Variants in WAC observed in about 807,000 individuals in gnomAD.
WAC encodes the protein WW domain containing adaptor with coiled-coil.
In WAC, 11 loss-of-function variants were observed where a neutral mutation model predicts 79.6. The ratio of observed to expected loss-of-function variants is 0.14; its 90% confidence interval spans 0.09 to 0.23. The LOEUF is 0.23. WAC is among the 10% of genes least tolerant of loss of function. The probability of loss-of-function intolerance (pLI) is 1.00; values close to 1 mark genes in which losing one functional copy is unlikely to be tolerated. For missense variants in WAC, 728 were observed against 773.5 expected (o/e 0.94, Z 0.70); for synonymous variants, 304 against 276.9 (o/e 1.10, Z -0.97).
intron 3 of WAC, among the ~76,000 whole-genome samples, chr10:28,547,585 C>G (rs1207340363): frequency 6.6e-6 from 1 of 151,144 alleles, no homozygotes; most frequent in African/African-American, 2.4e-5. Context: ...TAATCTAAGA[C>G]TTTGCACATT....
chr10:28,550,138 C>T (rs1033503977), intron 3 of WAC, among the ~76,000 whole-genome samples: 1 of 148,108 alleles, frequency 6.8e-6, no homozygotes, highest in South Asian at 2.1e-4. Context: ...CACTGCACTC[C>T]AGTGGGTGAT....
chr10:28,601,669 A>G (rs1840656337), intron 7 of WAC, among the ~76,000 whole-genome samples: 1 of 152,224 alleles, frequency 6.6e-6, no homozygotes, highest in Non-Finnish European at 1.5e-5. Flanking sequence ...TCATTAGCAG[A>G]TGAAAGGATA....
chr10:28,551,268 T>G (rs937702366), intron 3 of WAC, among the ~76,000 whole-genome samples: 3 of 152,184 alleles, frequency 2.0e-5, no homozygotes, highest in Non-Finnish European at 4.4e-5. Context: ...AACTGGTGAT[T>G]CATTATGTTG....
chr10:28,616,262 C>T lies in WAC; in HGVS notation c.1646C>T (p.Ala549Val), dbSNP rs763074683. The change falls in exon 12 of 14, where the codon GCC (alanine) becomes GTC (valine). Residue 549 changes from alanine to valine, a missense_variant. Ala to Val is a moderately conservative substitution (Grantham distance 64, BLOSUM62 0). Transcript: ENST00000354911. ...ACAGTTGTACCACAGAATTCTTCTGCCCGATCCACGTGTTCATTAACGCCT... is the reference window on the plus strand; with the variant it reads ...ACAGTTGTACCACAGAATTCTTCTGTCCGATCCACGTGTTCATTAACGCCT... ...NATVVPQNSS[A>V]RSTCSLTPAL... 1.2e-6 allele frequency: 2 copies of T among 1,613,972 alleles called. No homozygotes were observed. The highest frequency in any genetic ancestry group is 1.7e-5 in the Admixed American group (1 of 59,982).
chr10:28,552,056 A>G (rs1354299944), intron 3 of WAC, among the ~76,000 whole-genome samples: 1 of 151,754 alleles, frequency 6.6e-6, no homozygotes, highest in African/African-American at 2.4e-5. Flanking sequence ...CAGGTGATCC[A>G]CTTGCCTTGG....
intron 3 of WAC, among the ~76,000 whole-genome samples, chr10:28,554,114 C>T (rs185819647): frequency 1.4e-4 from 22 of 152,242 alleles, no homozygotes; most frequent in Non-Finnish European, 2.5e-4. Context: ...GTGATCTGCC[C>T]GCCTCTTCCT....
intron 7 of WAC, among the ~76,000 whole-genome samples, chr10:28,598,545 C>G (rs1216680234): frequency 6.6e-6 from 1 of 152,172 alleles, no homozygotes; most frequent in South Asian, 2.1e-4. Context: ...TCCCTCCATG[C>G]AGTTTGATGC....
chr10:28,533,710 A>G, intron 1 of WAC, 90 bp downstream of exon 1: 4 of 1,291,230 alleles, frequency 3.1e-6, no homozygotes, highest in Non-Finnish European at 4.2e-6. Flanking sequence ...CCGGGCCGCC[A>G]TTTTTGTTGT....
chr10:28,593,636 T>TGC (rs1487465815), intron 6 of WAC, among the ~76,000 whole-genome samples: 1 of 151,128 alleles, frequency 6.6e-6, no homozygotes, highest in African/African-American at 2.4e-5. Flanking sequence ...GGCGTGGTGG[T>TGC]GCGCGCCTGT....
At position 28,571,020 on chromosome 10, in the gene WAC, G is replaced by A. The variant is rs552675349; in HGVS notation, c.275-12379G>A. Among the ~76,000 whole-genome samples, 21 of 119,940 alleles carry A rather than the reference G, an allele frequency of 1.8e-4. 1 individual carries two copies. The Middle Eastern group carries it at 0.031, about 176-fold the overall frequency. The allele number at this position is 119,940 out of a possible 152,430, so 78.7% of individuals were successfully genotyped here. On this transcript the variant is annotated intron_variant, in intron 3 of 13. Coordinates refer to ENST00000354911, the MANE Select transcript of WAC (RefSeq NM_016628.5). Reference sequence around the variant, plus strand: ...CACCCAGGCTGGAGTTCAGTGGCGCGATCTTGGCTCACTGCAACCTCGGCC... The same window carrying A: ...CACCCAGGCTGGAGTTCAGTGGCGCAATCTTGGCTCACTGCAACCTCGGCC...
chr10:28,547,915 C>CTTTTTTTTT (rs11408560), intron 3 of WAC, among the ~76,000 whole-genome samples: 218 of 132,194 alleles, frequency 1.6e-3, no homozygotes, highest in Non-Finnish European at 1.9e-3. Flanking sequence ...TTCTCTTTTT[C>CTTTTTTTTT]TTTTTTTTTT....
At chr10:28,618,524 AGTAGT>A (rs1841571942) in intron 13 of WAC, among the ~76,000 whole-genome samples, 1 of 152,258 alleles carries the variant, frequency 6.6e-6, no homozygotes, top group Admixed American at 6.5e-5. Context: ...TTGCTCTGAA[AGTAGT>A]TCTAACAAAC....
intron 3 of WAC, among the ~76,000 whole-genome samples, chr10:28,573,456 C>T (rs975478438): frequency 4.6e-5 from 7 of 152,158 alleles, no homozygotes; most frequent in Non-Finnish European, 7.4e-5. Flanking sequence ...TATTGTTTTA[C>T]ATATCAGTAC....
At position 28,552,723 on chromosome 10, in the gene WAC, G is replaced by A. The variant is rs573966154; in HGVS notation, c.274+16966G>A. 8.6e-5 allele frequency among the ~76,000 whole-genome samples: 13 copies of A among 151,786 alleles called. 1 individual carries two copies. In the South Asian group the frequency reaches 2.5e-3, roughly 29 times the overall value. On this transcript the variant is annotated intron_variant, in intron 3 of 13. Transcript: ENST00000354911. Reference sequence around the variant, plus strand: ...GGATTGTATGCTGGTAGAGAGTATTGTTAACTCGATAACAAGAATTAAAAT... The same window carrying A: ...GGATTGTATGCTGGTAGAGAGTATTATTAACTCGATAACAAGAATTAAAAT...
At chr10:28,578,468 C>T (rs6481534) in intron 3 of WAC, among the ~76,000 whole-genome samples, 33,915 of 151,992 alleles carry the variant, frequency 0.22, 4,666 homozygotes, top group Non-Finnish European at 0.28. Flanking sequence ...ACATAAATGC[C>T]ATAATATTTT....
chr10:28,549,791 GAACT>G (rs569504080), intron 3 of WAC, among the ~76,000 whole-genome samples: 2 of 152,256 alleles, frequency 1.3e-5, no homozygotes, highest in South Asian at 4.1e-4. Context: ...CCACTGAAAT[GAACT>G]GTTATGTCCA....
chr10:28,542,106 G>T (rs1371819917), intron 3 of WAC, among the ~76,000 whole-genome samples: 2 of 152,200 alleles, frequency 1.3e-5, no homozygotes, highest in Non-Finnish European at 2.9e-5. Context: ...CCTGCAGGCA[G>T]AAGTTTGTTC....
chr10:28,546,913 AAATG>A (rs748646407), intron 3 of WAC, among the ~76,000 whole-genome samples: 13 of 151,944 alleles, frequency 8.6e-5, no homozygotes, highest in Middle Eastern at 3.2e-3. Context: ...TTAAAAATCT[AAATG>A]AATCAGTTTT....
chr10:28,566,386 A>C (rs17389194), intron 3 of WAC, among the ~76,000 whole-genome samples: 2 of 152,226 alleles, frequency 1.3e-5, no homozygotes, highest in African/African-American at 2.4e-5. Context: ...GTCCTTGGAC[A>C]CAAAACAAAT....
Sources: allele counts gnomAD v4.1 joint callset (sites outside exome capture counted in the v4.1 genomes callset), GRCh38; gene constraint gnomAD v4.1.1; transcripts MANE v1.5; gene names NCBI Gene and HGNC (gene_info 2026-07-23, HGNC 2026-07-21).